ROBO2: variants seen among roughly 807,000 people sequenced by gnomAD.
ROBO2 encodes the protein roundabout homolog 2.
In ROBO2, 53 loss-of-function variants were observed where a neutral mutation model predicts 160.8. The observed-to-expected ratio is 0.33, with a 90% CI of 0.26 to 0.41. The LOEUF is 0.41. ROBO2 is among the 10% of genes least tolerant of loss of function. The pLI is 1.00. For synonymous variants in ROBO2, 664 were observed against 611.7 expected, an observed-to-expected ratio of 1.09 and a Z score of -1.26; for missense variants, 1,577 against 1,722.4, an observed-to-expected ratio of 0.92 and a Z score of 1.49.
At chr3:77,238,793 T>G (rs1221973288) in intron 2 of ROBO2, among the ~76,000 whole-genome samples, 1 of 152,162 alleles carries the variant, frequency 6.6e-6, no homozygotes, top group Non-Finnish European at 1.5e-5. Context: ...TTTCTCCCAG[T>G]GTATATTCAG....
At chr3:75,968,403 G>T (rs186244715) in intron 2 of ROBO2, among the ~76,000 whole-genome samples, 3 of 151,176 alleles carry the variant, frequency 2.0e-5, no homozygotes, top group African/African-American at 4.9e-5. Context: ...TCTCCCATTG[G>T]ATTATTTTTT....
intron 2 of ROBO2, among the ~76,000 whole-genome samples, chr3:77,452,272 C>T (rs1357934178): frequency 6.6e-6 from 1 of 152,126 alleles, no homozygotes; most frequent in Non-Finnish European, 1.5e-5. Flanking sequence ...GTGAGATGTT[C>T]ACATTTCATG....
At chr3:77,134,633 A>T (rs1048403835) in intron 2 of ROBO2, among the ~76,000 whole-genome samples, 1 of 152,184 alleles carries the variant, frequency 6.6e-6, no homozygotes. Flanking sequence ...TCACATCTTT[A>T]CCTGTCAACA....
intron 2 of ROBO2, among the ~76,000 whole-genome samples, chr3:76,336,795 A>G (rs1158806890): frequency 3.3e-5 from 5 of 152,160 alleles, no homozygotes; most frequent in Non-Finnish European, 7.4e-5. Context: ...TCATATAAAT[A>G]CATTCGAAAG....
intron 2 of ROBO2, among the ~76,000 whole-genome samples, chr3:76,254,642 C>A (rs2107567856): frequency 6.6e-6 from 1 of 151,970 alleles, no homozygotes; most frequent in Admixed American, 6.6e-5. Flanking sequence ...GAAAGTATAC[C>A]TGTGTTGATG....
At chr3:77,308,071 T>G (rs2063241365) in intron 2 of ROBO2, among the ~76,000 whole-genome samples, 1 of 151,776 alleles carries the variant, frequency 6.6e-6, no homozygotes, top group Non-Finnish European at 1.5e-5. Context: ...TATGAGTTTT[T>G]ACCTTGATGA....
intron 2 of ROBO2, among the ~76,000 whole-genome samples, chr3:77,273,837 T>G (rs2059654251): frequency 6.6e-6 from 1 of 152,168 alleles, no homozygotes; most frequent in East Asian, 1.9e-4. Flanking sequence ...GTGGTGACGA[T>G]GGTCTGCATC....
intron 2 of ROBO2, among the ~76,000 whole-genome samples, chr3:76,995,456 G>A (rs1210938530): frequency 1.3e-5 from 2 of 152,100 alleles, no homozygotes; most frequent in Non-Finnish European, 2.9e-5. Flanking sequence ...AATCCTTTGA[G>A]TATATACCCA....
intron 2 of ROBO2, among the ~76,000 whole-genome samples, chr3:75,993,794 T>C (rs2065642096): frequency 6.6e-6 from 1 of 152,172 alleles, no homozygotes; most frequent in South Asian, 2.1e-4. Context: ...GTGGTCATGG[T>C]ATCCAAAAAC....
At chr3:76,757,345 T>C (rs897616083) in intron 2 of ROBO2, among the ~76,000 whole-genome samples, 3 of 151,804 alleles carry the variant, frequency 2.0e-5, no homozygotes, top group African/African-American at 7.2e-5. Context: ...ACATCCAAAA[T>C]AAAGAGAGGA....
intron 2 of ROBO2, among the ~76,000 whole-genome samples, chr3:77,346,507 G>A (rs181332154): frequency 5.9e-5 from 9 of 152,270 alleles, no homozygotes; most frequent in Non-Finnish European, 1.0e-4. Flanking sequence ...CACAAACTTA[G>A]TGGCTTAAAA....
intron 1 of ROBO2, among the ~76,000 whole-genome samples, chr3:77,052,212 G>C (rs2065294441): frequency 6.6e-6 from 1 of 152,128 alleles, no homozygotes; most frequent in African/African-American, 2.4e-5. Context: ...ATCATGACTT[G>C]TCTCCAATAT....
At chr3:76,976,174 A>T (rs1333633440) in intron 2 of ROBO2, among the ~76,000 whole-genome samples, 1 of 152,234 alleles carries the variant, frequency 6.6e-6, no homozygotes, top group African/African-American at 2.4e-5. Flanking sequence ...AAACTAAAAA[A>T]TGGAACTAGG....
chr3:76,725,222 A>G (rs1032112395), intron 2 of ROBO2, among the ~76,000 whole-genome samples: 9 of 152,116 alleles, frequency 5.9e-5, no homozygotes, highest in Non-Finnish European at 1.3e-4. Context: ...AACAGGCACA[A>G]ACTTCTCTAA....
intron 2 of ROBO2, among the ~76,000 whole-genome samples, chr3:76,456,334 T>G (rs912824047): frequency 1.3e-5 from 2 of 152,234 alleles, no homozygotes; most frequent in African/African-American, 4.8e-5. Context: ...TTTGTTCAAT[T>G]TTTATTGTTC....
chr3:76,381,577 C>A (rs1472222513), intron 2 of ROBO2, among the ~76,000 whole-genome samples: 1 of 152,086 alleles, frequency 6.6e-6, no homozygotes, highest in African/African-American at 2.4e-5. Context: ...TCTCAATCTC[C>A]TGACTTCATG....
At chr3:76,752,295 G>C (rs921134113) in intron 2 of ROBO2, among the ~76,000 whole-genome samples, 2 of 151,792 alleles carry the variant, frequency 1.3e-5, no homozygotes, top group Non-Finnish European at 2.9e-5. Context: ...TAGTGGGGTG[G>C]GGGTAGGGGG....
rs541058532 is a variant in ROBO2, at chr3:76,134,384, G to A, written c.109+196782G>A. ...CTTGTCATGTATTCTCATCTTGAGAGTAAGTGGACTTACGAGTGTTTCTGA... is the reference window on the plus strand; with the variant it reads ...CTTGTCATGTATTCTCATCTTGAGAATAAGTGGACTTACGAGTGTTTCTGA... On this transcript the variant is annotated intron_variant, in intron 2 of 26. Transcript: ENST00000487694. Among the ~76,000 whole-genome samples, 4 of 152,182 alleles carry A rather than the reference G, an allele frequency of 2.6e-5. No homozygotes were observed. The South Asian group carries it at 6.2e-4, about 24-fold the overall frequency.
chr3:76,969,616 T>C (rs1210747119), intron 2 of ROBO2, among the ~76,000 whole-genome samples: 3 of 152,192 alleles, frequency 2.0e-5, no homozygotes, highest in Non-Finnish European at 2.9e-5. Context: ...TCTGGCCACA[T>C]GCTGGTTTTC....
Sources: gnomAD v4.1 joint callset for allele counts (sites outside exome capture counted in the v4.1 genomes callset) on GRCh38, gnomAD v4.1.1 for gene constraint, MANE v1.5 for transcripts, NCBI Gene and HGNC (gene_info 2026-07-23, HGNC 2026-07-21) for gene names.